ANO4: variants seen among roughly 807,000 people sequenced by gnomAD.
The protein encoded by ANO4 is anoctamin 4.
In ANO4, 69 loss-of-function variants were observed where a neutral mutation model predicts 141.9. That is an observed-to-expected ratio of 0.49 (90% confidence interval 0.40 to 0.59). The LOEUF (loss-of-function observed/expected upper bound fraction) is 0.59, where lower values mean the gene tolerates loss of function less well. Among genes scored for constraint, ANO4 ranks in the 20% least tolerant of loss-of-function variants. ANO4 has a pLI of 0.00. For missense variants in ANO4, 894 were observed against 1,162.2 expected (o/e 0.77, Z 3.36); for synonymous variants, 350 against 394.3 (o/e 0.89, Z 1.33).
At chr12:101,054,842 T>G (rs1203654768) in intron 14 of ANO4, among the ~76,000 whole-genome samples, 4 of 150,124 alleles carry the variant, frequency 2.7e-5, no homozygotes, top group Non-Finnish European at 4.4e-5. Context: ...AGTCAGTCCC[T>G]TGGCAACCTG....
chr12:100,771,419 C>A (rs1339881786), intron 3 of ANO4, among the ~76,000 whole-genome samples: 1 of 152,160 alleles, frequency 6.6e-6, no homozygotes, highest in African/African-American at 2.4e-5. Flanking sequence ...AAGCAACAGT[C>A]AAGCCTTTAA....
Position 100,899,704 on chromosome 12 carries a change from C to T in ANO4, c.-140-1942C>T, listed in dbSNP as rs371981450. 4.6e-5 allele frequency among the ~76,000 whole-genome samples: 7 copies of T among 152,262 alleles called. No individual in the cohort carries two copies. The South Asian group carries it at 1.0e-3, about 23-fold the overall frequency. ...GTGACCCTTCTTACCTTTGACATGA[C>T]CTATGATTGGTGATTTTGCAGTTTA... On this transcript the variant is annotated intron_variant, in intron 1 of 27. Coordinates refer to ENST00000392977, the MANE Select transcript of ANO4 (RefSeq NM_001286615.2).
At chr12:100,827,830 G>A (rs2036434919) in intron 1 of ANO4, among the ~76,000 whole-genome samples, 1 of 151,912 alleles carries the variant, frequency 6.6e-6, no homozygotes, top group African/African-American at 2.4e-5. Flanking sequence ...AGAGCTGTTG[G>A]GGTCCCCAGG....
At chr12:100,919,702 G>GTGTGTA (rs1555250834) in intron 2 of ANO4, among the ~76,000 whole-genome samples, 105 of 133,916 alleles carry the variant, frequency 7.8e-4, no homozygotes, top group African/African-American at 1.1e-3. Flanking sequence ...GTGTGTGTGT[G>GTGTGTA]TGTATGTATG....
chr12:101,098,645 C>A (rs939737389), intron 21 of ANO4, among the ~76,000 whole-genome samples: 1 of 152,102 alleles, frequency 6.6e-6, no homozygotes, highest in Non-Finnish European at 1.5e-5. Context: ...TTTTAGAAAT[C>A]TTGTTCCAAG....
At chr12:101,016,079 G>A (rs559675845) in intron 8 of ANO4, among the ~76,000 whole-genome samples, 2 of 152,218 alleles carry the variant, frequency 1.3e-5, no homozygotes, top group African/African-American at 2.4e-5. Context: ...GCAAGAGCAA[G>A]AGCAGAGGCC....
At chr12:101,008,015 C>T (rs923251526) in intron 8 of ANO4, among the ~76,000 whole-genome samples, 1 of 152,168 alleles carries the variant, frequency 6.6e-6, no homozygotes, top group African/African-American at 2.4e-5. Context: ...CAGTATTTGT[C>T]AGTCTAATCT....
At position 100,908,308 on chromosome 12, in the gene ANO4, C is replaced by T. The variant is rs181689123; in HGVS notation, c.55+6468C>T. The stretch of plus-strand genomic sequence containing the variant: ...AGGTTGCGGTGTGCCAAGATTGCGC[C>T]GCTGCACTGCAGCCTGGGCAACGAG... On this transcript the variant is annotated intron_variant, in intron 2 of 27. Coordinates refer to ENST00000392977, the MANE Select transcript of ANO4 (RefSeq NM_001286615.2). Among the ~76,000 whole-genome samples the T allele has an allele frequency of 7.4e-4, 113 of 152,222 alleles. 2 individuals carry two copies. In the East Asian group the frequency reaches 0.018, roughly 24 times the overall value.
chr12:101,034,829 C>G (rs1475072983), intron 9 of ANO4, among the ~76,000 whole-genome samples: 1 of 152,076 alleles, frequency 6.6e-6, no homozygotes, highest in African/African-American at 2.4e-5. Flanking sequence ...AAATATTATT[C>G]ATTAAAAAAT....
intron 3 of ANO4, among the ~76,000 whole-genome samples, chr12:100,931,509 T>C (rs2042087489): frequency 6.6e-6 from 1 of 152,150 alleles, no homozygotes; most frequent in Non-Finnish European, 1.5e-5. Context: ...TTCATCTTTG[T>C]CACTTACTAG....
intron 2 of ANO4, 63 bp from the exon 3 acceptor site, chr12:100,922,163 G>T: frequency 3.3e-6 from 4 of 1,211,504 alleles, no homozygotes; most frequent in Non-Finnish European, 4.4e-6. Context: ...TTCTCCTTGG[G>T]ACCCTAATGA....
chr12:100,766,975 C>T (rs969355039), intron 3 of ANO4, among the ~76,000 whole-genome samples: 1 of 152,024 alleles, frequency 6.6e-6, no homozygotes, highest in Non-Finnish European at 1.5e-5. Context: ...TCTTATTTGT[C>T]TCTTGTGACA....
intron 10 of ANO4, among the ~76,000 whole-genome samples, chr12:101,038,055 A>G (rs544767): frequency 0.21 from 32,217 of 152,112 alleles, 3,574 homozygotes; most frequent in Admixed American, 0.26. Context: ...AATTTTAAAC[A>G]CTAAGAGGGT....
At chr12:101,079,819 G>A (rs2049173616) in intron 15 of ANO4, among the ~76,000 whole-genome samples, 1 of 129,148 alleles carries the variant, frequency 7.7e-6, no homozygotes, top group African/African-American at 3.0e-5. Context: ...TGCCAAGGAG[G>A]GCCAGACTCA....
At position 100,842,851 on chromosome 12, in the gene ANO4, CCCACCTCTTAATACTG is replaced by C. The variant is rs1447060332; in HGVS notation, c.-141+47825_-141+47840del. 1.1e-4 allele frequency among the ~76,000 whole-genome samples: 17 copies of C among 152,204 alleles called. No homozygotes were observed. The East Asian group carries it at 3.1e-3, about 28-fold the overall frequency. ...CATGGCTTAACCACCTCCTAAAGGC[CCCACCTCTTAATACTG>C]TTGCACGGAGGATTAAGTTTCAACA... On this transcript the variant is annotated intron_variant, in intron 1 of 27. Coordinates refer to ENST00000392977, the MANE Select transcript of ANO4 (RefSeq NM_001286615.2).
chr12:100,774,529 G>A (rs2135560325), intron 3 of ANO4, among the ~76,000 whole-genome samples: 1 of 152,344 alleles, frequency 6.6e-6, no homozygotes, highest in African/African-American at 2.4e-5. Flanking sequence ...TCCTTAGTGA[G>A]TAGAGGTTAA....
intron 1 of ANO4, among the ~76,000 whole-genome samples, chr12:100,803,787 A>C (rs1036367697): frequency 6.6e-6 from 1 of 152,170 alleles, no homozygotes; most frequent in African/African-American, 2.4e-5. Flanking sequence ...ATGAGTGATA[A>C]ATGAAATAGT....
intron 1 of ANO4, among the ~76,000 whole-genome samples, chr12:100,866,470 AC>A (rs2038760098): frequency 6.6e-6 from 1 of 151,914 alleles, no homozygotes; most frequent in East Asian, 1.9e-4. Flanking sequence ...CCCTGCCCCC[AC>A]CTTTTTGGAT....
chr12:101,116,945 C>T (rs2050878978), intron 25 of ANO4, 147 bp downstream of exon 25: 8 of 1,170,770 alleles, frequency 6.8e-6, no homozygotes, highest in Non-Finnish European at 7.2e-6. Flanking sequence ...GAAGAATTTT[C>T]AAGCCTTCTC....
Sources: gnomAD v4.1 joint callset for allele counts (sites outside exome capture counted in the v4.1 genomes callset) on GRCh38, gnomAD v4.1.1 for gene constraint, MANE v1.5 for transcripts, NCBI Gene and HGNC (gene_info 2026-07-23, HGNC 2026-07-21) for gene names.